MTG1: variants seen among roughly 807,000 people sequenced by gnomAD.
MTG1 encodes the protein mitochondrial ribosome-associated GTPase 1.
Under a neutral mutation model 39.5 loss-of-function variants are expected in MTG1, and 30 were observed. The ratio of observed to expected loss-of-function variants is 0.76; its 90% CI spans 0.57 to 1.03. The LOEUF is 1.03. Among genes scored for constraint, MTG1 ranks in the 50% least tolerant of loss-of-function variants. The probability of loss-of-function intolerance (pLI) is 0.00; values close to 1 mark genes in which losing one functional copy is unlikely to be tolerated. For missense variants in MTG1, 513 were observed against 447.4 expected (o/e 1.15, Z -1.32); for synonymous variants, 217 against 179.0 (o/e 1.21, Z -1.69).
At chr10:133,401,888 CTCCACTCCCT>C in intron 7 of MTG1, 1 of 608,102 alleles carries the variant, frequency 1.6e-6, no homozygotes, top group East Asian at 2.8e-5. Flanking sequence ...CCGCCCCACC[CTCCACTCCCT>C]TCCTTGTGTT....
intron 4 of MTG1, 28 bp downstream of exon 4, chr10:133,398,543 A>G: frequency 6.2e-7 from 1 of 1,600,534 alleles, no homozygotes; most frequent in Non-Finnish European, 8.5e-7. Flanking sequence ...GCTCTCTCTG[A>G]CGCTTCTGCT....
intron 6 of MTG1, among the ~76,000 whole-genome samples, chr10:133,401,145 G>A (rs1194483591): frequency 2.0e-5 from 3 of 152,212 alleles, no homozygotes; most frequent in African/African-American, 7.2e-5. Context: ...GGTCCAGGAG[G>A]GAGGTGGGGG....
intron 4 of MTG1, 67 bp downstream of exon 4, chr10:133,398,582 G>C (rs1849822948): frequency 6.6e-7 from 1 of 1,504,234 alleles, no homozygotes; most frequent in South Asian, 1.2e-5. Flanking sequence ...ATTATAAACT[G>C]TTTTATGCTT....
rs1393972800 is a variant in MTG1 at position 133,394,211 on chromosome 10, C to T, written c.-10C>T. ...TCAGCTGCGGGAGCGTTTCCGGGGA[C>T]GGTGCCGCCATGAGATTGACCCCGC... On this transcript the variant is annotated 5_prime_UTR_variant, in exon 1 of 11. It adds an upstream start codon to the 5' untranslated region. Coordinates refer to ENST00000317502, the MANE Select transcript of MTG1 (RefSeq NM_138384.4). 6 of 1,510,710 alleles carry T rather than the reference C, an allele frequency of 4.0e-6. No homozygotes were observed. Among genetic ancestry groups the T allele is most frequent in the Middle Eastern group, 2.3e-4 (1 of 4,312 alleles). 93.6% of individuals were successfully genotyped at this position (1,510,710 alleles called of 1,614,324 possible).
Position 133,406,088 on chromosome 10 carries a change from T to C in MTG1, c.752+3315T>C, listed in dbSNP as rs117379548. On this transcript the variant is annotated intron_variant, in intron 9 of 10. Coordinates refer to ENST00000317502, the MANE Select transcript of MTG1 (RefSeq NM_138384.4). ...TGATTTGCATTTCTCTGGTGATTAG[T>C]CATGTTGAGCATTTTTTCATACACT... Among the ~76,000 whole-genome samples, 1,141 of 152,366 alleles carry C rather than the reference T, an allele frequency of 7.5e-3. 8 individuals are homozygous for C. Among genetic ancestry groups the C allele is most frequent in the Middle Eastern group, 0.048 (14 of 294 alleles).
chr10:133,413,744 G>A (rs1040455661), intron 9 of MTG1, among the ~76,000 whole-genome samples: 11 of 151,912 alleles, frequency 7.2e-5, no homozygotes, highest in African/African-American at 2.7e-4. Context: ...CCTGATTCTT[G>A]TGCCATCATC....
At chr10:133,401,752 T>G in intron 7 of MTG1, 162 bp downstream of exon 7, 1 of 736,048 alleles carries the variant, frequency 1.4e-6, no homozygotes, top group Non-Finnish European at 2.4e-6. Context: ...CCTGCCCTTA[T>G]TCCACAGTCG....
rs1228909862 is a variant in MTG1, at chr10:133,402,484, G to A, written c.671-208G>A. On this transcript the variant is annotated intron_variant, in intron 8 of 10. Transcript: ENST00000317502. The surrounding 1 kb of genome is among the most constrained non-coding windows in gnomAD (Gnocchi z 4.7). ...TCCCTTTCCCCATTTGACGGACCAG[G>A]GCAGAGAGGTTGGTCGCAGGTGCCA... The A allele has an allele frequency of 8.7e-6, 6 of 691,130 alleles. No homozygotes were observed. The highest frequency in any genetic ancestry group is 1.5e-5 in the Non-Finnish European group (6 of 410,298). The allele number at this position is 691,130 out of a possible 1,614,324, so 42.8% of individuals were successfully genotyped here.
chr10:133,399,113 G>T, intron 4 of MTG1, 57 bp from the exon 5 acceptor site: 1 of 1,585,668 alleles, frequency 6.3e-7, no homozygotes, highest in African/African-American at 1.3e-5. Context: ...CAGAAGGAGC[G>T]GGTCAGTGCA....
chr10:133,402,717 G>A lies in MTG1; in HGVS notation c.696G>A (p.Gly232=), dbSNP rs1221168356. 1 of 1,608,080 alleles carries A rather than the reference G, an allele frequency of 6.2e-7. No homozygotes were observed. Among genetic ancestry groups the A allele is most frequent in the Admixed American group, 1.7e-5 (1 of 59,274 alleles). ...LCGTVLDHLV[G]EETMADYLLY... ...GAACGGTGCTGGACCACCTGGTCGG[G>A]GAGGAGACCATGGCTGACTACCTGC... Residue 232 remains glycine (G), a synonymous_variant, in exon 9 of 11, where the codon GGG becomes GGA. Transcript: ENST00000317502. This position sits in a 1 kb window ranked among gnomAD's most constrained non-coding sequence, Gnocchi z 4.7.
At chr10:133,415,723 AT>A (rs1291916351) in intron 9 of MTG1, among the ~76,000 whole-genome samples, 1 of 152,112 alleles carries the variant, frequency 6.6e-6, no homozygotes, top group African/African-American at 2.4e-5. Context: ...GTTCATTGAG[AT>A]TTTTGGATCT....
chr10:133,394,255 C>T lies in MTG1; in HGVS notation c.35C>T (p.Ala12Val), dbSNP rs1001887144. 5 of 1,518,130 alleles carry T rather than the reference C, an allele frequency of 3.3e-6. No homozygotes were observed. The highest frequency in any genetic ancestry group is 4.4e-6 in the Non-Finnish European group (5 of 1,137,666). The allele number at this position is 1,518,130 out of a possible 1,614,324, so 94.0% of individuals were successfully genotyped here. A position where few individuals can be genotyped will look rare whatever the true frequency, so the allele number is the denominator to read the frequency against. Residue 12 changes from alanine to valine, a missense_variant, in exon 1 of 11, where the codon GCC becomes GTC. Coordinates refer to ENST00000317502, the MANE Select transcript of MTG1 (RefSeq NM_138384.4). ...ACCCCGCGCGCGCTGTGCAGCGCCG[C>T]CCAGGCCGCCTGGCGGGAGAACTTC... ...RLTPRALCSAAQAAWRENFPL... is the reference protein window; with the variant it reads ...RLTPRALCSAVQAAWRENFPL...
intron 7 of MTG1, 63 bp downstream of exon 7, chr10:133,401,653 C>T (rs775326678): frequency 7.2e-6 from 11 of 1,531,598 alleles, no homozygotes; most frequent in Admixed American, 3.4e-5. Context: ...CTGGCACCTG[C>T]CGACCTCTGT....
intron 9 of MTG1, among the ~76,000 whole-genome samples, chr10:133,418,127 C>A (rs1850163021): frequency 6.6e-6 from 1 of 152,206 alleles, no homozygotes; most frequent in Non-Finnish European, 1.5e-5. Flanking sequence ...CCTTAGCCTC[C>A]CAAGTAGCTG....
intron 5 of MTG1, 80 bp from the exon 6 acceptor site, chr10:133,399,449 C>A (rs930342290): frequency 1.4e-6 from 2 of 1,441,818 alleles, no homozygotes; most frequent in Non-Finnish European, 1.9e-6. Flanking sequence ...GCCTGGGGTC[C>A]CCTTGCCTGG....
intron 6 of MTG1, chr10:133,399,871 T>G: frequency 2.2e-6 from 1 of 455,842 alleles, no homozygotes. Flanking sequence ...GAAGATGGCT[T>G]TTCTAAACTT....
rs754675931 is a variant in MTG1, at chr10:133,419,492, C to T, written c.765C>T (p.His255=). Residue 255 remains histidine (H), a synonymous_variant, in exon 10 of 11, where the codon CAC becomes CAT. Coordinates refer to ENST00000317502, the MANE Select transcript of MTG1 (RefSeq NM_138384.4). ...AGCCTATGTGCAGGTACGTGCAGCA[C>T]TACGGCCTGGGCAGTGCCTGTGACA... is the stretch of plus-strand genomic sequence containing the variant. ...NKHQRFGYVQ[H]YGLGSACDNV... The T allele has an allele frequency of 2.6e-5, 42 of 1,601,010 alleles. No individual in the cohort carries two copies. Among genetic ancestry groups the T allele is most frequent in the Non-Finnish European group, 3.2e-5 (38 of 1,174,420 alleles).
intron 9 of MTG1, among the ~76,000 whole-genome samples, chr10:133,405,159 T>C (rs971083252): frequency 1.3e-5 from 2 of 152,214 alleles, no homozygotes; most frequent in African/African-American, 4.8e-5. Context: ...GTGAATATAG[T>C]GTATCTCTTC....
At chr10:133,406,665 C>CTTTT (rs34249527) in intron 9 of MTG1, among the ~76,000 whole-genome samples, 8 of 122,964 alleles carry the variant, frequency 6.5e-5, no homozygotes, top group South Asian at 2.7e-4. Context: ...AGATTTAAGT[C>CTTTT]TTTTTTTTTT....
Sources: allele counts gnomAD v4.1 joint callset (sites outside exome capture counted in the v4.1 genomes callset), GRCh38; gene constraint gnomAD v4.1.1; non-coding constraint Gnocchi (gnomAD v3.1); transcripts MANE v1.5; gene names NCBI Gene and HGNC (gene_info 2026-07-23, HGNC 2026-07-21).